SLC24A2: variants seen among roughly 807,000 people sequenced by gnomAD.
SLC24A2 encodes the protein sodium/potassium/calcium exchanger 2.
A neutral mutation model predicts 62.0 loss-of-function variants in SLC24A2; 36 were observed. The ratio of observed to expected loss-of-function variants is 0.58; its 90% confidence interval spans 0.44 to 0.77. SLC24A2 has a LOEUF of 0.77. SLC24A2 is among the 30% of genes least tolerant of loss of function. The probability of loss-of-function intolerance (pLI) is 0.00; values close to 1 mark genes in which losing one functional copy is unlikely to be tolerated. For missense variants in SLC24A2, 846 were observed against 817.9 expected, an observed-to-expected ratio of 1.03 and a Z score of -0.42; for synonymous variants, 358 against 294.0, an observed-to-expected ratio of 1.22 and a Z score of -2.23.
the SLC24A2 span, among the ~76,000 whole-genome samples, chr9:19,989,393 A>G: frequency 6.6e-6 from 1 of 152,182 alleles, no homozygotes; most frequent in African/African-American, 2.4e-5. Context: ...ATGCTGACAC[A>G]TCATAAGCAC....
chr9:19,808,794 A>T, the SLC24A2 span, among the ~76,000 whole-genome samples: 7 of 152,156 alleles, frequency 4.6e-5, no homozygotes, highest in African/African-American at 1.7e-4. The surrounding 1 kb of genome is among the most constrained non-coding windows in gnomAD (Gnocchi z 4.1). Flanking sequence ...TTATGGGCTG[A>T]CCCCTCCTCT....
the SLC24A2 span, among the ~76,000 whole-genome samples, chr9:20,096,000 A>G: frequency 2.6e-5 from 4 of 152,128 alleles, no homozygotes; most frequent in Admixed American, 1.3e-4. Flanking sequence ...CCCTTCCACA[A>G]CATGTGGAAT....
the SLC24A2 span, among the ~76,000 whole-genome samples, chr9:20,001,366 G>C: frequency 3.9e-5 from 6 of 152,198 alleles, no homozygotes; most frequent in Non-Finnish European, 5.9e-5. Context: ...GAAGGGAACT[G>C]TCCTGCGGAA....
chr9:19,662,539 C>A (rs1819131486), intron 2 of SLC24A2, among the ~76,000 whole-genome samples: 1 of 152,180 alleles, frequency 6.6e-6, no homozygotes, highest in Non-Finnish European at 1.5e-5. Flanking sequence ...CCCTCCAAGG[C>A]ACGCACACAT....
intron 2 of SLC24A2, among the ~76,000 whole-genome samples, chr9:19,661,676 C>T (rs1041932750): frequency 4.5e-4 from 69 of 152,236 alleles, no homozygotes; most frequent in African/African-American, 1.6e-3. Flanking sequence ...AATCAATCCT[C>T]TGAGTTTTTT....
chr9:19,554,525 A>C (rs7870589), intron 7 of SLC24A2, among the ~76,000 whole-genome samples: 1,855 of 152,302 alleles, frequency 0.012, 45 homozygotes, highest in African/African-American at 0.042. Context: ...GGATGACAGT[A>C]CTGCCTTTAT....
chr9:19,636,383 CTTT>C (rs1564010029), intron 2 of SLC24A2, among the ~76,000 whole-genome samples: 414 of 21,442 alleles, frequency 0.019, no homozygotes, highest in Non-Finnish European at 0.024. Context: ...TTCTTTCTTT[CTTT>C]CTCCCTCTCT....
At chr9:19,745,922 G>C (rs1166915482) in intron 2 of SLC24A2, among the ~76,000 whole-genome samples, 1 of 152,062 alleles carries the variant, frequency 6.6e-6, no homozygotes, top group Non-Finnish European at 1.5e-5. Flanking sequence ...CTAGTTTCCT[G>C]ACATATCATA....
intron 5 of SLC24A2, among the ~76,000 whole-genome samples, chr9:19,577,949 A>T (rs1411385333): frequency 6.6e-6 from 1 of 151,588 alleles, no homozygotes; most frequent in Non-Finnish European, 1.5e-5. Flanking sequence ...GATCTGAATG[A>T]GATTGGAGAC....
rs184266988 is a variant in SLC24A2, at chr9:19,701,587, A to G, written c.931-79288T>C. ...CAGTTCTGGAGGCCGTAAGTTTGAAATAGACCTTACTGGGCTAAAATAAAG... is the reference window on the plus strand; with the variant it reads ...CAGTTCTGGAGGCCGTAAGTTTGAAGTAGACCTTACTGGGCTAAAATAAAG... On this transcript the variant is annotated intron_variant, in intron 2 of 10. Transcript: ENST00000341998. Among the ~76,000 whole-genome samples the G allele has an allele frequency of 5.3e-5, 8 of 152,364 alleles. No individual in the cohort carries two copies. The East Asian group carries it at 1.5e-3, about 29-fold the overall frequency.
the SLC24A2 span, among the ~76,000 whole-genome samples, chr9:20,035,185 C>G: frequency 6.6e-6 from 1 of 152,078 alleles, no homozygotes; most frequent in South Asian, 2.1e-4. Context: ...CTCTGAACAT[C>G]CACAACAGTT....
chr9:20,269,419 C>T, the SLC24A2 span, among the ~76,000 whole-genome samples: 8 of 152,160 alleles, frequency 5.3e-5, no homozygotes, highest in Non-Finnish European at 1.2e-4. Flanking sequence ...CTCCTCCTCC[C>T]ACCCATGACT....
the SLC24A2 span, among the ~76,000 whole-genome samples, chr9:19,834,413 A>T: frequency 2.0e-5 from 3 of 152,222 alleles, no homozygotes; most frequent in African/African-American, 7.2e-5. Context: ...ATGGCATGAG[A>T]ACTACATGAC....
chr9:19,646,910 A>C (rs1428578527), intron 2 of SLC24A2, among the ~76,000 whole-genome samples: 1 of 152,082 alleles, frequency 6.6e-6, no homozygotes, highest in South Asian at 2.1e-4. Flanking sequence ...TAGTTACATT[A>C]CTTAACTGGA....
intron 5 of SLC24A2, 108 bp from the exon 6 acceptor site, chr9:19,577,130 A>G: frequency 1.2e-6 from 1 of 858,612 alleles, no homozygotes; most frequent in South Asian, 1.3e-5. Context: ...TAGCGTGACC[A>G]CTCCATTCTG....
the SLC24A2 span, among the ~76,000 whole-genome samples, chr9:19,961,062 AAGG>A: frequency 4.6e-4 from 63 of 135,532 alleles, no homozygotes; most frequent in African/African-American, 1.6e-3. Flanking sequence ...GAGTGAGAGA[AAGG>A]AGAAAGAGAG....
the SLC24A2 span, among the ~76,000 whole-genome samples, chr9:19,999,337 C>T: frequency 6.6e-6 from 1 of 152,132 alleles, no homozygotes; most frequent in African/African-American, 2.4e-5. Context: ...GTCCTTGGGC[C>T]TGAGTTTCTC....
intron 2 of SLC24A2, among the ~76,000 whole-genome samples, chr9:19,642,034 G>A (rs1818509482): frequency 6.6e-6 from 1 of 152,082 alleles, no homozygotes; most frequent in Non-Finnish European, 1.5e-5. Context: ...TCGGTGGAAG[G>A]AGCAGTCGTT....
chr9:20,087,942 A>C, the SLC24A2 span, among the ~76,000 whole-genome samples: 3 of 152,272 alleles, frequency 2.0e-5, no homozygotes, highest in African/African-American at 7.2e-5. Context: ...CCGGGGACCC[A>C]TGCTTCTCCC....
Sources: gnomAD v4.1 joint callset for allele counts (sites outside exome capture counted in the v4.1 genomes callset) on GRCh38, gnomAD v4.1.1 for gene constraint, Gnocchi (gnomAD v3.1) non-coding constraint, MANE v1.5 for transcripts, NCBI Gene and HGNC (gene_info 2026-07-23, HGNC 2026-07-21) for gene names.